Variants in ADGRF5 observed in about 807,000 individuals in gnomAD.
ADGRF5 encodes G-protein coupled receptor 116.
ADGRF5 carries 75 observed loss-of-function variants against 132.3 expected under a neutral mutation model. The ratio of observed to expected loss-of-function variants is 0.57; its 90% CI spans 0.47 to 0.69. The LOEUF is 0.69. Ranked by LOEUF, ADGRF5 falls within the 30% of genes least tolerant of loss-of-function variation. ADGRF5 has a pLI of 0.00. For missense variants in ADGRF5, 1,516 were observed against 1,630.6 expected, an observed-to-expected ratio of 0.93 and a Z score of 1.21; for synonymous variants, 629 against 597.6, an observed-to-expected ratio of 1.05 and a Z score of -0.77.
At chr6:46,873,762 A>G (rs898313309) in intron 10 of ADGRF5, among the ~76,000 whole-genome samples, 1 of 152,132 alleles carries the variant, frequency 6.6e-6, no homozygotes, top group Non-Finnish European at 1.5e-5. Flanking sequence ...CTTCAACTCA[A>G]TTGGTCCATT....
At chr6:46,910,007 CAATAAAATAAAATAA>C (rs3030416) in intron 1 of ADGRF5, among the ~76,000 whole-genome samples, 14 of 148,488 alleles carry the variant, frequency 9.4e-5, no homozygotes, top group African/African-American at 2.5e-4. Flanking sequence ...CCCTATCTCT[CAATAAAATAAAATAA>C]AATAAAATAA....
chr6:46,886,399 ATC>A (rs796812446), intron 4 of ADGRF5, among the ~76,000 whole-genome samples: 6 of 152,260 alleles, frequency 3.9e-5, no homozygotes, highest in African/African-American at 1.4e-4. Flanking sequence ...ACTTGTTGAA[ATC>A]TCTCTTACTG....
At chr6:46,877,348 T>TCTTC (rs1771909794) in intron 10 of ADGRF5, among the ~76,000 whole-genome samples, 1 of 33,570 alleles carries the variant, frequency 3.0e-5, no homozygotes, top group Admixed American at 2.7e-4. Context: ...TTTCTTTCTT[T>TCTTC]CTTTCTTTCT....
chr6:46,876,143 G>T (rs539242995), intron 10 of ADGRF5, among the ~76,000 whole-genome samples: 48 of 152,352 alleles, frequency 3.2e-4, no homozygotes, highest in African/African-American at 1.1e-3. Flanking sequence ...GAAGAGAGCT[G>T]CAGAGAGGAA....
chr6:46,916,612 TG>T (rs1275178337), intron 1 of ADGRF5, among the ~76,000 whole-genome samples: 1 of 152,226 alleles, frequency 6.6e-6, no homozygotes. Flanking sequence ...AATAATCTCC[TG>T]AATGGGCCCC....
At chr6:46,874,440 G>A (rs1290512441) in intron 10 of ADGRF5, among the ~76,000 whole-genome samples, 4 of 152,168 alleles carry the variant, frequency 2.6e-5, no homozygotes, top group African/African-American at 7.2e-5. Context: ...ATAAACAGAT[G>A]TACAGAAATA....
intron 20 of ADGRF5, among the ~76,000 whole-genome samples, chr6:46,854,559 T>C (rs997707310): frequency 6.6e-6 from 1 of 150,980 alleles, no homozygotes; most frequent in African/African-American, 2.4e-5. Flanking sequence ...GAAGCAGGAG[T>C]CAGGAATGTC....
chr6:46,865,560 A>G lies in ADGRF5; in HGVS notation c.1835-363T>C, dbSNP rs529525388. ...ACCTATTCATGAGTTTGTCTTCTCT[A>G]CTAGACCATACGCTCCTGGAGAGAA... On this transcript the variant is annotated intron_variant, in intron 13 of 20. Transcript: ENST00000283296. Among the ~76,000 whole-genome samples, 11 of 152,336 alleles carry G rather than the reference A, an allele frequency of 7.2e-5. No homozygotes were observed. In the South Asian group the frequency reaches 2.3e-3, roughly 32 times the overall value.
At chr6:46,921,224 T>C (rs1348307424) in intron 1 of ADGRF5, among the ~76,000 whole-genome samples, 1 of 152,174 alleles carries the variant, frequency 6.6e-6, no homozygotes, top group African/African-American at 2.4e-5. Context: ...TCCCTTGTCC[T>C]TTGGAAGGAC....
Position 46,906,650 on chromosome 6 carries a change from A to T in ADGRF5, c.102+11T>A, listed in dbSNP as rs1414279169. The stretch of plus-strand genomic sequence containing the variant: ...ACAAGAAAAATTATAGCAGATATGG[A>T]TATAACTCACCAAAGGATGAATAGT... On this transcript the variant is annotated intron_variant, in intron 2 of 20. Coordinates refer to ENST00000283296, the MANE Select transcript of ADGRF5 (RefSeq NM_001098518.2). 1 of 1,295,516 alleles carries T rather than the reference A, an allele frequency of 7.7e-7. No homozygotes were observed. The allele number at this position is 1,295,516 out of a possible 1,614,324, so 80.3% of individuals were successfully genotyped here.
At chr6:46,892,896 G>A (rs376612118) in intron 3 of ADGRF5, among the ~76,000 whole-genome samples, 2 of 152,042 alleles carry the variant, frequency 1.3e-5, no homozygotes, top group East Asian at 3.9e-4. Context: ...ACTATTTATT[G>A]AATGCCTGTT....
At chr6:46,918,566 T>C (rs1289090312) in intron 1 of ADGRF5, among the ~76,000 whole-genome samples, 2 of 152,232 alleles carry the variant, frequency 1.3e-5, no homozygotes, top group South Asian at 2.1e-4. Flanking sequence ...TATGATCTGA[T>C]AGTCATCTGG....
chr6:46,888,075 T>C, intron 4 of ADGRF5: 2 of 314,834 alleles, frequency 6.4e-6, no homozygotes, highest in South Asian at 1.0e-4. Flanking sequence ...GGCCATATCT[T>C]GGGATCACTT....
intron 10 of ADGRF5, among the ~76,000 whole-genome samples, chr6:46,877,227 CTTTCTTTCTTTCTTT>C (rs1357545455): frequency 9.6e-5 from 2 of 20,914 alleles, no homozygotes; most frequent in South Asian, 1.4e-3. Flanking sequence ...TATTTCCTCT[CTTTCTTTCTTTCTTT>C]CTTTCTTTCT....
At chr6:46,922,918 T>TA (rs902929575), upstream of ADGRF5, among the ~76,000 whole-genome samples, 27 of 152,320 alleles carry the variant, frequency 1.8e-4, no homozygotes, top group African/African-American at 4.6e-4. Context: ...TACTTGACCC[T>TA]ATTGAGATTC....
At chr6:46,889,566 G>GTA (rs1562197639) in intron 3 of ADGRF5, among the ~76,000 whole-genome samples, 2 of 121,048 alleles carry the variant, frequency 1.7e-5, no homozygotes, top group East Asian at 2.3e-4. Flanking sequence ...GTGTGTGTGT[G>GTA]TGTATATATA....
intron 4 of ADGRF5, 111 bp downstream of exon 4, chr6:46,888,224 A>G: frequency 1.4e-6 from 1 of 722,320 alleles, no homozygotes; most frequent in Non-Finnish European, 2.4e-6. Context: ...CGTCTCGGTG[A>G]GTCATTTCAC....
chr6:46,935,651 C>G (rs1384560058), intron 1 of ADGRF5, among the ~76,000 whole-genome samples: 4 of 152,198 alleles, frequency 2.6e-5, no homozygotes, highest in Non-Finnish European at 5.9e-5. Flanking sequence ...CCCAGCTTCT[C>G]AAGGGGAAGC....
At position 46,882,969 on chromosome 6, in the gene ADGRF5, T is replaced by C. The variant is rs139525970; in HGVS notation, c.612+590A>G. 1.8e-3 allele frequency among the ~76,000 whole-genome samples: 276 copies of C among 152,330 alleles called. No individual in the cohort carries two copies. The Middle Eastern group carries it at 0.027, about 15-fold the overall frequency. On this transcript the variant is annotated intron_variant, in intron 6 of 20. Coordinates refer to ENST00000283296, the MANE Select transcript of ADGRF5 (RefSeq NM_001098518.2). ...CCCACCTGTAATAATCTGTGCCACA[T>C]CCATTGGGAAGCTCTGTTCCAAATA...
Sources: gnomAD v4.1 joint callset for allele counts (sites outside exome capture counted in the v4.1 genomes callset) on GRCh38, gnomAD v4.1.1 for gene constraint, MANE v1.5 for transcripts, NCBI Gene and HGNC (gene_info 2026-07-23, HGNC 2026-07-21) for gene names.